BBS9: variants seen among roughly 807,000 people sequenced by gnomAD.
BBS9 encodes Bardet-Biedl syndrome 9, also known as protein PTHB1.
In BBS9, 89 loss-of-function variants were observed where a neutral mutation model predicts 117.7. The ratio of observed to expected loss-of-function variants is 0.76; its 90% CI spans 0.64 to 0.90. The LOEUF (loss-of-function observed/expected upper bound fraction) is 0.90, where lower values mean the gene tolerates loss of function less well. BBS9 is among the 40% of genes least tolerant of loss of function. BBS9 has a pLI of 0.00. For synonymous variants in BBS9, 379 were observed against 370.9 expected, an observed-to-expected ratio of 1.02 and a Z score of -0.25; for missense variants, 982 against 1,042.2, an observed-to-expected ratio of 0.94 and a Z score of 0.80.
At chr7:33,588,364 A>G (rs1861310862) in intron 21 of BBS9, among the ~76,000 whole-genome samples, 1 of 152,108 alleles carries the variant, frequency 6.6e-6, no homozygotes, top group Admixed American at 6.6e-5. Flanking sequence ...CCAGCGGAAA[A>G]GGCAGATAAT....
chr7:33,408,426 C>A (rs1466350586), intron 19 of BBS9, among the ~76,000 whole-genome samples: 1 of 152,146 alleles, frequency 6.6e-6, no homozygotes, highest in Admixed American at 6.5e-5. Context: ...TTCGCTGGTG[C>A]ACGGTGTGCT....
At chr7:33,250,863 A>G (rs1345311615) in intron 5 of BBS9, among the ~76,000 whole-genome samples, 1 of 152,190 alleles carries the variant, frequency 6.6e-6, no homozygotes, top group East Asian at 1.9e-4. Context: ...AAGATGAGTA[A>G]GATATGGTTT....
chr7:33,273,633 G>A (rs1340550396), intron 8 of BBS9, among the ~76,000 whole-genome samples, 194 bp from the exon 9 acceptor site: 2 of 152,092 alleles, frequency 1.3e-5, no homozygotes, highest in East Asian at 1.9e-4. Flanking sequence ...TCTAGTTATA[G>A]CTTCCAAGAC....
In BBS9 at chr7:33,146,319, G is replaced by A; in HGVS notation, c.67G>A (p.Gly23Ser). ...GGGAGATAAAGAAGAATTTGATCAA[G>A]GCTGTTTGTGTCTGGCTAATGTTGA... ...ILGDKEEFDQGCLCLANVDNS... is the reference protein window; with the variant it reads ...ILGDKEEFDQSCLCLANVDNS... Residue 23 changes from glycine (G) to serine (S), a missense_variant, in exon 2 of 23, where the codon GGC becomes AGC. Physicochemically the swap from Gly to Ser is moderately conservative, Grantham distance 56. Coordinates refer to ENST00000242067, the MANE Select transcript of BBS9 (RefSeq NM_198428.3). The A allele has an allele frequency of 1.9e-6, 3 of 1,614,116 alleles. No individual in the cohort carries two copies. The highest frequency in any genetic ancestry group is 2.5e-6 in the Non-Finnish European group (3 of 1,179,994).
intron 19 of BBS9, among the ~76,000 whole-genome samples, chr7:33,435,874 C>A (rs1383881274): frequency 6.6e-6 from 1 of 152,060 alleles, no homozygotes; most frequent in Non-Finnish European, 1.5e-5. Context: ...ATTATCAGTG[C>A]TGAATATTAG....
rs1819923081 is a variant in BBS9 at position 33,357,917 on chromosome 7, C to G, written c.1615C>G (p.Gln539Glu). ...LPLKLICLPGQPSKTASHKIT... is the reference protein window; with the variant it reads ...LPLKLICLPGEPSKTASHKIT... Reference sequence around the variant, plus strand: ...CCTAAAGTTAATTTGCCTACCAGGTCAGCCTTCAAAAACTGCAAGCCACAA... The same window carrying G: ...CCTAAAGTTAATTTGCCTACCAGGTGAGCCTTCAAAAACTGCAAGCCACAA... The change falls in exon 16 of 23, where the codon CAG becomes GAG. Residue 539 changes from glutamine to glutamate, a missense_variant. Physicochemically the swap from Gln to Glu is conservative, Grantham distance 29 (BLOSUM62 2). Coordinates refer to ENST00000242067, the MANE Select transcript of BBS9 (RefSeq NM_198428.3). The G allele has an allele frequency of 6.2e-7, 1 of 1,612,008 alleles. No individual in the cohort carries two copies.
chr7:33,443,457 G>A (rs1003844366), intron 19 of BBS9, among the ~76,000 whole-genome samples: 5 of 151,484 alleles, frequency 3.3e-5, no homozygotes, highest in East Asian at 1.9e-4. Flanking sequence ...CTTCCCTATG[G>A]ACTCCATGCT....
At chr7:33,391,670 T>C (rs1003268552) in intron 19 of BBS9, among the ~76,000 whole-genome samples, 1 of 152,228 alleles carries the variant, frequency 6.6e-6, no homozygotes, top group African/African-American at 2.4e-5. Context: ...TTTTATGACT[T>C]GCGTATGTAC....
chr7:33,487,582 A>G (rs1039742679), intron 19 of BBS9, among the ~76,000 whole-genome samples: 1 of 152,206 alleles, frequency 6.6e-6, no homozygotes, highest in African/African-American at 2.4e-5. Flanking sequence ...CAAACTATTG[A>G]GTCAAAGGCC....
At chr7:33,439,297 G>A (rs1326475565) in intron 19 of BBS9, among the ~76,000 whole-genome samples, 1 of 152,046 alleles carries the variant, frequency 6.6e-6, no homozygotes, top group Non-Finnish European at 1.5e-5. Flanking sequence ...ATTTTTTAGT[G>A]ATTATGTGAG....
intron 5 of BBS9, among the ~76,000 whole-genome samples, chr7:33,178,037 A>G (rs1398477385): frequency 6.6e-6 from 1 of 152,132 alleles, no homozygotes; most frequent in Non-Finnish European, 1.5e-5. Context: ...CTCTCAGTGG[A>G]AAAAATGGTT....
At chr7:33,382,333 A>G (rs1295763482) in intron 17 of BBS9, among the ~76,000 whole-genome samples, 1 of 151,902 alleles carries the variant, frequency 6.6e-6, no homozygotes, top group East Asian at 1.9e-4. Flanking sequence ...CATTGCAGGT[A>G]CCTATAATCC....
intron 19 of BBS9, among the ~76,000 whole-genome samples, chr7:33,503,704 T>G (rs972673277): frequency 1.3e-5 from 2 of 151,690 alleles, no homozygotes; most frequent in African/African-American, 4.9e-5. Context: ...TGTGTCATAA[T>G]GTGATGGCCC....
chr7:33,367,991 A>G, intron 17 of BBS9, 129 bp downstream of exon 17: 1 of 771,008 alleles, frequency 1.3e-6, no homozygotes, highest in Non-Finnish European at 2.2e-6. Flanking sequence ...AAAAGCCATG[A>G]TATTAAGTAG....
intron 1 of BBS9, among the ~76,000 whole-genome samples, chr7:33,143,238 G>A (rs1791803640): frequency 6.6e-6 from 1 of 152,070 alleles, no homozygotes; most frequent in Admixed American, 6.6e-5. Flanking sequence ...CAAAGTGCTG[G>A]GATTACAGGC....
At chr7:33,509,626 C>T (rs766980273) in intron 20 of BBS9, among the ~76,000 whole-genome samples, 2 of 152,116 alleles carry the variant, frequency 1.3e-5, no homozygotes, top group Non-Finnish European at 2.9e-5. Context: ...TCACATGTCC[C>T]CACAAGTATT....
chr7:33,290,280 G>C (rs1803761816), intron 9 of BBS9, among the ~76,000 whole-genome samples: 2 of 152,146 alleles, frequency 1.3e-5, no homozygotes, highest in South Asian at 4.1e-4. Flanking sequence ...CCATGTGAAT[G>C]CAGCATGGGG....
rs920216257 is a variant in BBS9 at position 33,559,997 on chromosome 7, G to A, written c.2521+25821G>A. ...CTTCATAATTCCAATATTGCCTAACGCCATTCATGACTCTTCCCCTGACCC... is the reference window on the plus strand; with the variant it reads ...CTTCATAATTCCAATATTGCCTAACACCATTCATGACTCTTCCCCTGACCC... On this transcript the variant is annotated intron_variant, in intron 21 of 22. Coordinates refer to ENST00000242067, the MANE Select transcript of BBS9 (RefSeq NM_198428.3). Among the ~76,000 whole-genome samples the A allele has an allele frequency of 2.6e-5, 4 of 151,848 alleles. 1 individual carries two copies. The highest frequency in any genetic ancestry group is 4.8e-5 in the African/African-American group (2 of 41,290).
intron 19 of BBS9, among the ~76,000 whole-genome samples, chr7:33,482,963 TGTTA>T (rs1193053143): frequency 1.3e-5 from 2 of 151,856 alleles, no homozygotes; most frequent in Admixed American, 1.3e-4. Context: ...AATATAAGTA[TGTTA>T]GTTATGTCTA....
Sources: allele counts gnomAD v4.1 joint callset (sites outside exome capture counted in the v4.1 genomes callset), GRCh38; gene constraint gnomAD v4.1.1; transcripts MANE v1.5; gene names NCBI Gene and HGNC (gene_info 2026-07-23, HGNC 2026-07-21).